Variants in ZNF25 observed in about 807,000 individuals in gnomAD.
ZNF25 encodes zinc finger protein 25.
ZNF25 carries 21 observed loss-of-function variants against 30.9 expected under a neutral mutation model. The observed-to-expected ratio is 0.68, with a 90% CI of 0.48 to 0.98. The LOEUF (loss-of-function observed/expected upper bound fraction) is 0.98, where lower values mean the gene tolerates loss of function less well. ZNF25 is among the 50% of genes least tolerant of loss of function. The pLI is 0.00. For missense variants in ZNF25, 501 were observed against 529.9 expected (o/e 0.95, Z 0.54); for synonymous variants, 169 against 181.3 (o/e 0.93, Z 0.55).
intron 2 of ZNF25, among the ~76,000 whole-genome samples, chr10:37,965,413 T>C (rs945274426): frequency 6.6e-6 from 1 of 152,160 alleles, no homozygotes; most frequent in Non-Finnish European, 1.5e-5. Context: ...GTCATTAAGA[T>C]TAATCCATTA....
At chr10:37,976,178 A>G (rs2135480626) in intron 1 of ZNF25, among the ~76,000 whole-genome samples, 1 of 152,322 alleles carries the variant, frequency 6.6e-6, no homozygotes, top group South Asian at 2.1e-4. Context: ...CCACCTACAG[A>G]CGCTGGACCA....
chr10:37,970,891 A>C (rs2063452134), intron 2 of ZNF25, among the ~76,000 whole-genome samples: 1 of 152,202 alleles, frequency 6.6e-6, no homozygotes, highest in Non-Finnish European at 1.5e-5. Context: ...GCATTGTCCT[A>C]ATCAACCTAT....
At chr10:37,971,617 A>G (rs1462902224) in intron 2 of ZNF25, 91 bp downstream of exon 2, 1 of 1,575,804 alleles carries the variant, frequency 6.3e-7, no homozygotes, top group African/African-American at 1.4e-5. Context: ...GCTCTCGTTC[A>G]TAAAACTCAT....
chr10:37,958,251 T>C (rs1241824226), intron 2 of ZNF25, among the ~76,000 whole-genome samples: 1 of 152,182 alleles, frequency 6.6e-6, no homozygotes, highest in East Asian at 1.9e-4. Flanking sequence ...GGGTAATTAT[T>C]TGCATTTCAT....
chr10:37,965,787 TA>T (rs1335901752), intron 2 of ZNF25, among the ~76,000 whole-genome samples: 1 of 152,220 alleles, frequency 6.6e-6, no homozygotes, highest in Non-Finnish European at 1.5e-5. Context: ...GTTTGCTTCC[TA>T]TAGGATTTAA....
intron 2 of ZNF25, among the ~76,000 whole-genome samples, chr10:37,969,392 A>C (rs887658725): frequency 2.6e-5 from 4 of 152,242 alleles, no homozygotes; most frequent in Admixed American, 6.5e-5. Flanking sequence ...GGATGAATGG[A>C]TAAACAAATT....
At chr10:37,957,354 A>G in intron 3 of ZNF25, 66 bp downstream of exon 3, 3 of 1,554,420 alleles carry the variant, frequency 1.9e-6, no homozygotes, top group Non-Finnish European at 2.6e-6. Flanking sequence ...GGGACATTTT[A>G]TACTCCAGTA....
At chr10:37,961,501 TAA>T (rs2062869054) in intron 2 of ZNF25, among the ~76,000 whole-genome samples, 1 of 151,900 alleles carries the variant, frequency 6.6e-6, no homozygotes. Context: ...TCAAGGATGA[TAA>T]AAAGAGATGT....
chr10:37,961,770 A>C (rs1186827853), intron 2 of ZNF25, among the ~76,000 whole-genome samples: 1 of 151,836 alleles, frequency 6.6e-6, no homozygotes, highest in Non-Finnish European at 1.5e-5. Context: ...AAAAATACAA[A>C]ATTAGCCAGG....
At chr10:37,966,159 C>T (rs553396398) in intron 2 of ZNF25, among the ~76,000 whole-genome samples, 1 of 152,146 alleles carries the variant, frequency 6.6e-6, no homozygotes. Flanking sequence ...TGGCTCACTC[C>T]TGTAATCCCA....
intron 4 of ZNF25, 81 bp downstream of exon 4, chr10:37,956,939 G>C: frequency 1.2e-6 from 1 of 845,750 alleles, no homozygotes; most frequent in Non-Finnish European, 1.8e-6. Flanking sequence ...AAAAAAGTGA[G>C]AGATTGCCGA....
intron 4 of ZNF25, among the ~76,000 whole-genome samples, chr10:37,956,282 G>T (rs2062516556): frequency 6.6e-6 from 1 of 152,138 alleles, no homozygotes; most frequent in African/African-American, 2.4e-5. Flanking sequence ...GAAAAAATGG[G>T]AAGTTAAAAG....
rs1215513658 is a variant in ZNF25, at chr10:37,953,143, C to G, written c.355G>C (p.Glu119Gln). ...QKTHTTEKAC[E>Q]CKECGKFFCQ... ...AAGAACTTCCCACATTCCTTACATTCACAGGCTTTCTCTGTGGTATGAGTT... is the reference window on the plus strand; with the variant it reads ...AAGAACTTCCCACATTCCTTACATTGACAGGCTTTCTCTGTGGTATGAGTT... The change falls in exon 6 of 6, where the codon GAA becomes CAA. Residue 119 changes from glutamate (E) to glutamine (Q), a missense_variant. Physicochemically the swap from Glu to Gln is conservative, Grantham distance 29. Coordinates refer to ENST00000302609, the MANE Select transcript of ZNF25 (RefSeq NM_145011.4). The G allele has an allele frequency of 6.2e-7, 1 of 1,607,158 alleles. No homozygotes were observed. The highest frequency in any genetic ancestry group is 8.5e-7 in the Non-Finnish European group (1 of 1,178,348).
chr10:37,960,740 G>A (rs1435649827), intron 2 of ZNF25, among the ~76,000 whole-genome samples: 2 of 151,240 alleles, frequency 1.3e-5, no homozygotes, highest in Non-Finnish European at 2.9e-5. Context: ...ATAAGAGTAA[G>A]CCAGGAGGAG....
intron 1 of ZNF25, among the ~76,000 whole-genome samples, chr10:37,974,361 C>T (rs1198779942): frequency 6.6e-6 from 1 of 152,046 alleles, no homozygotes; most frequent in East Asian, 1.9e-4. Context: ...AAAATATTTG[C>T]AAACTACCCA....
intron 2 of ZNF25, among the ~76,000 whole-genome samples, chr10:37,958,985 G>T (rs1325120602): frequency 6.6e-6 from 1 of 152,230 alleles, no homozygotes; most frequent in African/African-American, 2.4e-5. Context: ...GGAGGCAGAG[G>T]TTGCAGTAAG....
intron 1 of ZNF25, 46 bp from the exon 2 acceptor site, chr10:37,971,853 G>T: frequency 7.8e-7 from 1 of 1,281,702 alleles, no homozygotes; most frequent in Non-Finnish European, 1.1e-6. Context: ...ATATACCTTT[G>T]AGAAAATGTC....
chr10:37,954,198 G>T lies in ZNF25; in HGVS notation c.239-440C>A, dbSNP rs114310301. On this transcript the variant is annotated intron_variant, in intron 4 of 5. Transcript: ENST00000302609. ...CATGGAAAAGATTAAACTGAAAGAAGGAGCTGAAGTATAGGTCTTTATTCC... is the reference window on the plus strand; with the variant it reads ...CATGGAAAAGATTAAACTGAAAGAATGAGCTGAAGTATAGGTCTTTATTCC... 2.4e-3 allele frequency among the ~76,000 whole-genome samples: 361 copies of T among 152,304 alleles called. 1 individual carries two copies. The highest frequency in any genetic ancestry group is 8.2e-3 in the African/African-American group (342 of 41,576).
intron 1 of ZNF25, among the ~76,000 whole-genome samples, chr10:37,973,123 A>G (rs2063588380): frequency 6.6e-6 from 1 of 150,406 alleles, no homozygotes; most frequent in Non-Finnish European, 1.5e-5. Context: ...AGCCAAGATC[A>G]TGCCACTGCA....
Sources: gnomAD v4.1 joint callset for allele counts (sites outside exome capture counted in the v4.1 genomes callset) on GRCh38, gnomAD v4.1.1 for gene constraint, MANE v1.5 for transcripts, NCBI Gene and HGNC (gene_info 2026-07-23, HGNC 2026-07-21) for gene names.